Variants in VPS13D observed in about 807,000 individuals in gnomAD.
VPS13D encodes vacuolar protein sorting 13 homolog D.
A neutral mutation model predicts 461.9 loss-of-function variants in VPS13D; 187 were observed. The observed-to-expected ratio is 0.40, with a 90% confidence interval of 0.36 to 0.46. The LOEUF is 0.46. VPS13D is among the 20% of genes least tolerant of loss of function. VPS13D has a pLI of 0.60. For synonymous variants in VPS13D, 1,951 were observed against 1,986.3 expected, an observed-to-expected ratio of 0.98 and a Z score of 0.47; for missense variants, 4,711 against 5,364.9, an observed-to-expected ratio of 0.88 and a Z score of 3.81.
rs1388280013 is a variant in VPS13D at position 12,497,608 on chromosome 1, C to G, written c.12771C>G (p.Leu4257=). 1.4e-5 allele frequency: 23 copies of G among 1,613,854 alleles called. No individual in the cohort carries two copies. Among genetic ancestry groups the G allele is most frequent in the Non-Finnish European group, 1.9e-5 (22 of 1,179,958 alleles). Reference sequence around the variant, plus strand: ...AAGGACAGGAGCAGCTCTTCAAACTCACAGACAACATACAGGACGAATTGT... The same window carrying G: ...AAGGACAGGAGCAGCTCTTCAAACTGACAGACAACATACAGGACGAATTGT... ...QAEGQEQLFK[L]TDNIQDEFFI... is the part of the protein sequence containing the mutation. Residue 4257 remains leucine (L), a synonymous_variant, in exon 68 of 70, where the codon CTC becomes CTG. Transcript: ENST00000620676.
At chr1:12,295,159 G>C (rs2101440060) in intron 24 of VPS13D, among the ~76,000 whole-genome samples, 1 of 150,714 alleles carries the variant, frequency 6.6e-6, no homozygotes, top group African/African-American at 2.4e-5. Flanking sequence ...AGGAGGTGGA[G>C]GTTGCAGTGA....
At chr1:12,448,079 G>T (rs142261314) in intron 65 of VPS13D, among the ~76,000 whole-genome samples, 1 of 152,090 alleles carries the variant, frequency 6.6e-6, no homozygotes. Context: ...AACCAAGGTC[G>T]CCGTGGGTAA....
At chr1:12,395,482 G>C (rs1644482940) in intron 60 of VPS13D, among the ~76,000 whole-genome samples, 1 of 152,184 alleles carries the variant, frequency 6.6e-6, no homozygotes, top group Non-Finnish European at 1.5e-5. Flanking sequence ...ACAAGAGCTT[G>C]TGTCTGTTTT....
chr1:12,238,163 AAAG>A (rs1160872760), intron 2 of VPS13D, among the ~76,000 whole-genome samples: 1 of 151,486 alleles, frequency 6.6e-6, no homozygotes, highest in Admixed American at 6.6e-5. Flanking sequence ...AAAAAAAAAA[AAAG>A]AAATATATGT....
chr1:12,301,503 C>T (rs757349077), intron 25 of VPS13D, among the ~76,000 whole-genome samples: 3 of 152,194 alleles, frequency 2.0e-5, no homozygotes, highest in Non-Finnish European at 4.4e-5. Flanking sequence ...GGCGAGACCC[C>T]GCAGCGTCCC....
chr1:12,489,854 C>A (rs1415842513), intron 67 of VPS13D, among the ~76,000 whole-genome samples: 7 of 152,220 alleles, frequency 4.6e-5, no homozygotes, highest in Non-Finnish European at 1.0e-4. Context: ...AAAACCATCG[C>A]TCCAAGAAGT....
chr1:12,309,061 A>G (rs576006306), intron 27 of VPS13D, among the ~76,000 whole-genome samples: 1 of 152,300 alleles, frequency 6.6e-6, no homozygotes, highest in South Asian at 2.1e-4. Context: ...CTATTTAACA[A>G]ATGTTTATTG....
Position 12,338,315 on chromosome 1 carries a change from A to G in VPS13D, c.8626+10A>G, listed in dbSNP as rs1643494503. On this transcript the variant is annotated intron_variant, in intron 40 of 69. Transcript: ENST00000620676. ...CAGATCTATGCTAGAGGTACAGTAT[A>G]GCCAAGCGAGGGCTTGCTTTATTTT... The G allele has an allele frequency of 6.2e-7, 1 of 1,612,206 alleles. No homozygotes were observed. Among genetic ancestry groups the G allele is most frequent in the Non-Finnish European group, 8.5e-7 (1 of 1,178,764 alleles).
chr1:12,231,048 C>T (rs1321222848), intron 1 of VPS13D, among the ~76,000 whole-genome samples: 1 of 152,186 alleles, frequency 6.6e-6, no homozygotes, highest in East Asian at 1.9e-4. Flanking sequence ...GGGAGGGACG[C>T]CCAGGTCCGG....
chr1:12,409,765 T>C lies in VPS13D; in HGVS notation c.12031-5322T>C, dbSNP rs1169793151. ...CCAGCTTATAGCAGACCCAGGCTAGTTGAGAACTTCAAGAAAAGACAGATC... is the reference window on the plus strand; with the variant it reads ...CCAGCTTATAGCAGACCCAGGCTAGCTGAGAACTTCAAGAAAAGACAGATC... On this transcript the variant is annotated intron_variant, in intron 63 of 69. Transcript: ENST00000620676. The C allele has an allele frequency of 7.1e-6, 3 of 420,308 alleles. No individual in the cohort carries two copies. In the East Asian group the frequency reaches 2.2e-4, roughly 31 times the overall value. 26.0% of individuals were successfully genotyped at this position (420,308 alleles called of 1,614,324 possible).
In VPS13D at chr1:12,369,456, C is replaced by T. The variant is rs147459426; in HGVS notation, c.10573-11C>T. 2,725 of 1,613,216 alleles carry T rather than the reference C, an allele frequency of 1.7e-3. 51 individuals are homozygous for T. In the African/African-American group the frequency reaches 0.033, roughly 19 times the overall value. ...TGAAAGTCCTCTTTGTCCTCTCTGC[C>T]ATCACTCTAGGTCCCGGTTGTCTTT... On this transcript the variant is annotated splice_polypyrimidine_tract_variant and intron_variant, in intron 53 of 69. Transcript: ENST00000620676.
At chr1:12,402,654 G>A (rs1207375082) in intron 62 of VPS13D, 2 of 152,196 alleles carry the variant, frequency 1.3e-5, no homozygotes, top group Admixed American at 6.5e-5. Flanking sequence ...GGGTTGGAAC[G>A]CCAGTGTTTA....
At chr1:12,331,248 C>T (rs1190808014) in intron 37 of VPS13D, among the ~76,000 whole-genome samples, 1 of 152,122 alleles carries the variant, frequency 6.6e-6, no homozygotes, top group Non-Finnish European at 1.5e-5. Flanking sequence ...TAGTGCTGGG[C>T]AGTCCAAGGT....
At chr1:12,322,226 C>T (rs992880323) in intron 33 of VPS13D, among the ~76,000 whole-genome samples, 50 of 152,018 alleles carry the variant, frequency 3.3e-4, no homozygotes, top group African/African-American at 1.1e-3. Context: ...CCACCGTGCC[C>T]GGCTAATTTT....
chr1:12,238,239 A>AT (rs1553168539), intron 2 of VPS13D, among the ~76,000 whole-genome samples: 2 of 138,054 alleles, frequency 1.4e-5, no homozygotes, highest in East Asian at 4.7e-4. Context: ...CCCCCCAAAA[A>AT]ATATATATAT....
At chr1:12,429,017 G>A (rs527259135) in intron 65 of VPS13D, among the ~76,000 whole-genome samples, 2 of 152,182 alleles carry the variant, frequency 1.3e-5, no homozygotes, top group East Asian at 1.9e-4. Context: ...GATGAGATTG[G>A]CTGGAGACAA....
chr1:12,239,288 C>T lies in VPS13D; in HGVS notation c.98-3225C>T, dbSNP rs1187905785. Among the ~76,000 whole-genome samples the T allele has an allele frequency of 2.6e-5, 4 of 152,122 alleles. No individual in the cohort carries two copies. In the East Asian group the frequency reaches 7.7e-4, roughly 29 times the overall value. ...AGTAGCTGGGACTCCAGGCATGTAC[C>T]ACCATAGGTCCGGCTATTTGTTTTA... is the stretch of plus-strand genomic sequence containing the variant. On this transcript the variant is annotated intron_variant, in intron 2 of 69. Coordinates refer to ENST00000620676, the MANE Select transcript of VPS13D (RefSeq NM_015378.4).
At chr1:12,388,687 G>A (rs1644381852) in intron 60 of VPS13D, among the ~76,000 whole-genome samples, 3 of 152,002 alleles carry the variant, frequency 2.0e-5, no homozygotes, top group Admixed American at 2.0e-4. Flanking sequence ...CAAGATGGTA[G>A]ACTCAAACCT....
At chr1:12,352,848 C>T (rs1361272074) in intron 46 of VPS13D, among the ~76,000 whole-genome samples, 1 of 151,370 alleles carries the variant, frequency 6.6e-6, no homozygotes, top group African/African-American at 2.4e-5. Context: ...TCCTGTAATC[C>T]CAGCTACTCA....
Sources: gnomAD v4.1 joint callset for allele counts (sites outside exome capture counted in the v4.1 genomes callset) on GRCh38, gnomAD v4.1.1 for gene constraint, MANE v1.5 for transcripts, NCBI Gene and HGNC (gene_info 2026-07-23, HGNC 2026-07-21) for gene names.